The following SPATA6L variants were observed in gnomAD, a reference collection of about 807,000 sequenced individuals.
SPATA6L encodes the protein spermatogenesis associated 6 like.
A neutral mutation model predicts 49.2 loss-of-function variants in SPATA6L; 68 were observed. The observed-to-expected ratio is 1.38, with a 90% CI of 1.14 to 1.69. SPATA6L has a LOEUF of 1.69. SPATA6L is among the 40% of genes most tolerant of loss of function. The probability of loss-of-function intolerance (pLI) is 0.00; values close to 1 mark genes in which losing one functional copy is unlikely to be tolerated. For synonymous variants in SPATA6L, 198 were observed against 165.7 expected, an observed-to-expected ratio of 1.19 and a Z score of -1.50; for missense variants, 668 against 464.3, an observed-to-expected ratio of 1.44 and a Z score of -4.03.
rs566288275 is a variant in SPATA6L at position 4,662,313 on chromosome 9, C to G, written c.40-277G>C. The G allele has an allele frequency of 1.6e-5, 23 of 1,441,648 alleles. No individual in the cohort carries two copies. In the South Asian group the frequency reaches 2.8e-4, roughly 17 times the overall value. 89.3% of individuals were successfully genotyped at this position (1,441,648 alleles called of 1,614,324 possible). ...GATGGTAGTGCGGAAGCGGAAGAGG[C>G]TGCAGGGCCGGGAAGCCTCTGTTTG... is the stretch of plus-strand genomic sequence containing the variant. On this transcript the variant is annotated intron_variant, in intron 1 of 11. Transcript: ENST00000682582. The surrounding 1 kb of genome is among the most constrained non-coding windows in gnomAD (Gnocchi z 4.9).
rs1288823398 is a variant in SPATA6L, at chr9:4,662,697, G to C, written c.40-661C>G. The C allele has an allele frequency of 6.2e-7, 1 of 1,601,248 alleles. No individual in the cohort carries two copies. Among genetic ancestry groups the C allele is most frequent in the Non-Finnish European group, 8.5e-7 (1 of 1,179,898 alleles). ...GGGCATCGCCCTGCGCTCCCTGCTG[G>C]CCATCGACCTGTGGCTGTCCAAGAA... On this transcript the variant is annotated intron_variant, in intron 1 of 11. Coordinates refer to ENST00000682582, the MANE Select transcript of SPATA6L (RefSeq NM_001353486.2). This position sits in a 1 kb window ranked among gnomAD's most constrained non-coding sequence, Gnocchi z 4.9.
At chr9:4,603,174 G>A (rs2130068135) in intron 11 of SPATA6L, among the ~76,000 whole-genome samples, 1 of 152,314 alleles carries the variant, frequency 6.6e-6, no homozygotes, top group Middle Eastern at 3.4e-3. Context: ...GCTCACGCCT[G>A]TAATACCAGC....
chr9:4,611,564 C>T lies in SPATA6L; in HGVS notation c.996-6124G>A, dbSNP rs547735115. 2.9e-4 allele frequency among the ~76,000 whole-genome samples: 43 copies of T among 145,926 alleles called. 1 individual carries two copies. The highest frequency in any genetic ancestry group is 2.2e-4 in the Non-Finnish European group (15 of 67,644). On this transcript the variant is annotated intron_variant, in intron 9 of 11. Transcript: ENST00000682582. ...ATCGCAAGAACAAAAAACCAAACAC[C>T]GCATATTCTCACTCATAGGTGGGAA...
chr9:4,635,544 T>C, intron 3 of SPATA6L, 145 bp from the exon 4 acceptor site: 1 of 691,490 alleles, frequency 1.4e-6, no homozygotes, highest in Non-Finnish European at 2.2e-6. Flanking sequence ...AAGAGGAGAC[T>C]AATTTCTACT....
In SPATA6L at chr9:4,625,481, T is replaced by C. The variant is rs763732111; in HGVS notation, c.515A>G (p.Glu172Gly). The C allele has an allele frequency of 1.9e-6, 3 of 1,614,096 alleles. No individual in the cohort carries two copies. Among genetic ancestry groups the C allele is most frequent in the South Asian group, 2.2e-5 (2 of 91,060 alleles). Residue 172 changes from glutamate (E) to glycine (G), a missense_variant, in exon 6 of 12, where the codon GAG becomes GGG. Glu to Gly is a moderately conservative substitution (Grantham distance 98). Transcript: ENST00000682582. ...PLNTIKMKLK[E>G]NNLNRLPKGM... ...TTTGGGCAGTCTGTTGAGATTATTCTCCTTTAGTTTCATCTTTATAGTATT... is the reference window on the plus strand; with the variant it reads ...TTTGGGCAGTCTGTTGAGATTATTCCCCTTTAGTTTCATCTTTATAGTATT...
chr9:4,611,950 C>T (rs1030068422), intron 9 of SPATA6L, among the ~76,000 whole-genome samples: 1 of 152,092 alleles, frequency 6.6e-6, no homozygotes, highest in South Asian at 2.1e-4. Flanking sequence ...CTCAAGCAAT[C>T]CTCCAACTTC....
chr9:4,659,085 C>T (rs1471244918), intron 2 of SPATA6L, among the ~76,000 whole-genome samples: 1 of 152,118 alleles, frequency 6.6e-6, no homozygotes, highest in Non-Finnish European at 1.5e-5. Flanking sequence ...ACTGGGAGAA[C>T]TAAGTTCCTT....
intron 11 of SPATA6L, among the ~76,000 whole-genome samples, chr9:4,603,169 C>T (rs374184524): frequency 3.9e-5 from 6 of 152,282 alleles, no homozygotes; most frequent in African/African-American, 9.6e-5. Flanking sequence ...CGGTGGCTCA[C>T]GCCTGTAATA....
In SPATA6L at chr9:4,660,350, C is replaced by A. The variant is rs558269570; in HGVS notation, c.177+1549G>T. 2.6e-5 allele frequency among the ~76,000 whole-genome samples: 4 copies of A among 152,268 alleles called. No individual in the cohort carries two copies. In the South Asian group the frequency reaches 8.3e-4, roughly 32 times the overall value. On this transcript the variant is annotated intron_variant, in intron 2 of 11. Coordinates refer to ENST00000682582, the MANE Select transcript of SPATA6L (RefSeq NM_001353486.2). ...AAATTTACAAGAAAAAATCAAAAAACCCCATCAAAAAGTGGGTGAAGGACA... is the reference window on the plus strand; with the variant it reads ...AAATTTACAAGAAAAAATCAAAAAAACCCATCAAAAAGTGGGTGAAGGACA...
chr9:4,661,931 TGG>T lies in SPATA6L; in HGVS notation c.143_144del (p.Pro48HisfsTer10), dbSNP rs1197552171. On this transcript the variant is annotated frameshift_variant, in exon 2 of 12. Coordinates refer to ENST00000682582, the MANE Select transcript of SPATA6L (RefSeq NM_001353486.2). LOFTEE classifies it high-confidence loss of function. ...AATCTCATGCTCTCCTGAATCATAA[TGG>T]GGAACGCAGAGGGAAAGCTGTTGGT... is the stretch of plus-strand genomic sequence containing the variant. The part of the protein sequence containing the change: ...LETNSFPSAF[P>X]IMIQESMRFE... 6.2e-7 allele frequency: 1 copy of T among 1,613,822 alleles called. No homozygotes were observed. The highest frequency in any genetic ancestry group is 2.2e-5 in the East Asian group (1 of 44,890).
At chr9:4,609,312 C>T (rs1826084865) in intron 9 of SPATA6L, among the ~76,000 whole-genome samples, 3 of 151,900 alleles carry the variant, frequency 2.0e-5, no homozygotes, top group Non-Finnish European at 4.4e-5. Context: ...CAGCATCATT[C>T]TGATACCAAA....
At chr9:4,630,326 A>T (rs1831268239) in intron 4 of SPATA6L, among the ~76,000 whole-genome samples, 1 of 152,164 alleles carries the variant, frequency 6.6e-6, no homozygotes, top group Non-Finnish European at 1.5e-5. Flanking sequence ...TGCTTTCCCC[A>T]AAAAACAGGC....
At chr9:4,634,582 G>A (rs899250923) in intron 4 of SPATA6L, among the ~76,000 whole-genome samples, 6 of 152,030 alleles carry the variant, frequency 3.9e-5, no homozygotes, top group African/African-American at 1.5e-4. Flanking sequence ...AAATTCATGG[G>A]GCAATACGAG....
At chr9:4,640,404 C>T (rs537396233) in intron 3 of SPATA6L, among the ~76,000 whole-genome samples, 1 of 152,172 alleles carries the variant, frequency 6.6e-6, no homozygotes, top group East Asian at 1.9e-4. Flanking sequence ...ATGATCATAA[C>T]ATGTCTTTTG....
chr9:4,666,108 T>G (rs2130824532), intron 1 of SPATA6L, 104 bp downstream of exon 1: 3 of 970,754 alleles, frequency 3.1e-6, no homozygotes, highest in Non-Finnish European at 5.0e-6. Flanking sequence ...GATAATGATG[T>G]GTTTGTGGTA....
At chr9:4,643,298 A>C (rs1463840053) in intron 3 of SPATA6L, among the ~76,000 whole-genome samples, 1 of 152,116 alleles carries the variant, frequency 6.6e-6, no homozygotes, top group Admixed American at 6.6e-5. Flanking sequence ...GAGCCATGAC[A>C]TACTTTGCAA....
At chr9:4,605,212 C>G in intron 10 of SPATA6L, 135 bp downstream of exon 10, 1 of 682,286 alleles carries the variant, frequency 1.5e-6, no homozygotes, top group Non-Finnish European at 2.6e-6. Flanking sequence ...AACAGGTAAT[C>G]TCCTTGGTAA....
rs536602082 is a variant in SPATA6L at position 4,598,898 on chromosome 9, G to A, written c.*1913C>T. Reference sequence around the variant, plus strand: ...AGCTTGCTGTTGGCCTTGCCAAGGTGGAATGCTGGTTGTGATACAGGTTGA... The same window carrying A: ...AGCTTGCTGTTGGCCTTGCCAAGGTAGAATGCTGGTTGTGATACAGGTTGA... On this transcript the variant is annotated 3_prime_UTR_variant, in exon 12 of 12. Coordinates refer to ENST00000682582, the MANE Select transcript of SPATA6L (RefSeq NM_001353486.2). Among the ~76,000 whole-genome samples the A allele has an allele frequency of 2.6e-5, 4 of 152,338 alleles. No individual in the cohort carries two copies. The highest frequency in any genetic ancestry group is 9.6e-5 in the African/African-American group (4 of 41,580).
chr9:4,636,274 T>A (rs1451168007), intron 3 of SPATA6L, among the ~76,000 whole-genome samples: 1 of 152,212 alleles, frequency 6.6e-6, no homozygotes, highest in African/African-American at 2.4e-5. Context: ...TACTTACATA[T>A]TAACATATAC....
Sources: allele counts gnomAD v4.1 joint callset (sites outside exome capture counted in the v4.1 genomes callset), GRCh38; gene constraint gnomAD v4.1.1; non-coding constraint Gnocchi (gnomAD v3.1); transcripts MANE v1.5; gene names NCBI Gene and HGNC (gene_info 2026-07-23, HGNC 2026-07-21).